NEBL: variants seen among roughly 807,000 people sequenced by gnomAD.
NEBL encodes the protein LIM and SH3 protein 2.
In NEBL, 122 loss-of-function variants were observed where a neutral mutation model predicts 140.2. That is an observed-to-expected ratio of 0.87 (90% CI 0.75 to 1.01). The LOEUF (loss-of-function observed/expected upper bound fraction) is 1.01, where lower values mean the gene tolerates loss of function less well. NEBL is among the 50% of genes least tolerant of loss of function. The pLI is 0.00. For synonymous variants in NEBL, 436 were observed against 398.9 expected, an observed-to-expected ratio of 1.09 and a Z score of -1.11; for missense variants, 1,365 against 1,231.3, an observed-to-expected ratio of 1.11 and a Z score of -1.62.
chr10:21,232,131 T>G (rs1026677999), intron 3 of NEBL, among the ~76,000 whole-genome samples: 3 of 151,998 alleles, frequency 2.0e-5, no homozygotes, highest in South Asian at 4.2e-4. Flanking sequence ...GGTTGTTGTT[T>G]TTTTTTCTCT....
At chr10:20,876,981 T>A (rs553773010) in intron 5 of NEBL, among the ~76,000 whole-genome samples, 1 of 152,184 alleles carries the variant, frequency 6.6e-6, no homozygotes, top group Non-Finnish European at 1.5e-5. Flanking sequence ...ATAAGATAGG[T>A]TCAGGAAACT....
At position 20,912,935 on chromosome 10, in the gene NEBL, G is replaced by T. The variant is rs534866635; in HGVS notation, c.357+48737C>A. 2.2e-4 allele frequency among the ~76,000 whole-genome samples: 32 copies of T among 143,954 alleles called. 2 individuals carry two copies. The South Asian group carries it at 7.0e-3, about 32-fold the overall frequency. 94.4% of individuals were successfully genotyped at this position (143,954 alleles called of 152,430 possible). A position where few individuals can be genotyped will look rare whatever the true frequency, so the allele number is the denominator to read the frequency against. Reference sequence around the variant, plus strand: ...TCTCTCTCTGTTACCCAGGCTTTAAGGTTTTTGGTAGACACAGGGTCTCAC... The same window carrying T: ...TCTCTCTCTGTTACCCAGGCTTTAATGTTTTTGGTAGACACAGGGTCTCAC... On this transcript the variant is annotated intron_variant, in intron 4 of 6. Transcript: ENST00000417816.
intron 2 of NEBL, among the ~76,000 whole-genome samples, chr10:21,128,367 AAGG>A (rs1446354882): frequency 3.3e-5 from 5 of 152,182 alleles, no homozygotes; most frequent in African/African-American, 1.2e-4. Context: ...AAATGTAAAA[AAGG>A]AGAAGAGGCT....
intron 1 of NEBL, among the ~76,000 whole-genome samples, chr10:21,270,195 T>G (rs1432321069): frequency 6.6e-6 from 1 of 152,200 alleles, no homozygotes; most frequent in East Asian, 1.9e-4. Context: ...GTCATCCCTC[T>G]GTGAGAAATA....
chr10:20,840,600 G>T, intron 13 of NEBL, 139 bp downstream of exon 13: 1 of 657,634 alleles, frequency 1.5e-6, no homozygotes, highest in East Asian at 2.7e-5. Flanking sequence ...AATAGTCCAA[G>T]AAAAGACTAC....
At chr10:21,188,021 C>A (rs1366743705) in intron 3 of NEBL, among the ~76,000 whole-genome samples, 3 of 152,002 alleles carry the variant, frequency 2.0e-5, no homozygotes, top group Non-Finnish European at 2.9e-5. Context: ...CTTCACGGAG[C>A]CTTCATCAAT....
chr10:20,845,744 C>T (rs550899847), intron 11 of NEBL, among the ~76,000 whole-genome samples: 12 of 152,184 alleles, frequency 7.9e-5, no homozygotes, highest in African/African-American at 2.4e-4. Context: ...TCTGGTGGCA[C>T]GGAAGCCATT....
rs1838322010 is a variant in NEBL, at chr10:20,812,952, A to C, written c.2347-12T>G. 2 of 1,611,498 alleles carry C rather than the reference A, an allele frequency of 1.2e-6. No individual in the cohort carries two copies. Among genetic ancestry groups the C allele is most frequent in the Admixed American group, 1.7e-5 (1 of 59,976 alleles). ...TCATGGTATTTTACCTGAAAAAGGA[A>C]AAATCATCATACTGAATTTTGCGGA... On this transcript the variant is annotated splice_polypyrimidine_tract_variant and intron_variant, in intron 23 of 27. Coordinates refer to ENST00000377122, the MANE Select transcript of NEBL (RefSeq NM_006393.3).
chr10:20,966,166 G>C (rs1178023966), intron 3 of NEBL, among the ~76,000 whole-genome samples: 2 of 152,158 alleles, frequency 1.3e-5, no homozygotes, highest in African/African-American at 4.8e-5. Context: ...ATATATTATG[G>C]AAATTCTATA....
At chr10:21,120,680 CAAAAAAAA>C (rs66476160) in intron 2 of NEBL, among the ~76,000 whole-genome samples, 1 of 71,242 alleles carries the variant, frequency 1.4e-5, no homozygotes, top group Admixed American at 1.9e-4. Flanking sequence ...TTCATGACAG[CAAAAAAAA>C]AAAAAAAAAA....
intron 5 of NEBL, among the ~76,000 whole-genome samples, chr10:20,875,943 A>G (rs1234440166): frequency 6.6e-6 from 1 of 152,216 alleles, no homozygotes; most frequent in African/African-American, 2.4e-5. Flanking sequence ...GGTTCAACCC[A>G]TCTCAGGAAA....
chr10:20,883,892 G>A (rs1215407869), intron 4 of NEBL, among the ~76,000 whole-genome samples: 1 of 152,140 alleles, frequency 6.6e-6, no homozygotes, highest in Non-Finnish European at 1.5e-5. Flanking sequence ...TCAAATTAGA[G>A]GGAGCTGAAC....
At chr10:20,988,003 T>A (rs749530699) in intron 3 of NEBL, among the ~76,000 whole-genome samples, 16 of 152,204 alleles carry the variant, frequency 1.1e-4, no homozygotes, top group Non-Finnish European at 1.8e-4. Context: ...GAAAACTGGA[T>A]AAATATGTCA....
intron 3 of NEBL, among the ~76,000 whole-genome samples, chr10:21,236,826 T>C (rs1421687479): frequency 6.6e-6 from 1 of 152,188 alleles, no homozygotes; most frequent in Non-Finnish European, 1.5e-5. Flanking sequence ...CACTAACATT[T>C]CTAAAGCCTT....
chr10:21,258,175 C>A (rs1728180098), intron 1 of NEBL, among the ~76,000 whole-genome samples: 1 of 152,186 alleles, frequency 6.6e-6, no homozygotes, highest in African/African-American at 2.4e-5. Context: ...GTAGTCCCAG[C>A]AACTCAGGAG....
At chr10:20,985,827 T>C (rs1165040527) in intron 3 of NEBL, among the ~76,000 whole-genome samples, 4 of 152,190 alleles carry the variant, frequency 2.6e-5, no homozygotes, top group African/African-American at 4.8e-5. Context: ...TGCATCTCTA[T>C]ATAAAAGGAC....
At chr10:21,214,573 C>T (rs141229972) in intron 3 of NEBL, among the ~76,000 whole-genome samples, 12 of 150,086 alleles carry the variant, frequency 8.0e-5, no homozygotes, top group South Asian at 4.2e-4. Flanking sequence ...ATTACACACA[C>T]GCACACATGC....
At chr10:20,911,210 C>T (rs1848319337) in intron 4 of NEBL, among the ~76,000 whole-genome samples, 1 of 152,054 alleles carries the variant, frequency 6.6e-6, no homozygotes, top group Non-Finnish European at 1.5e-5. Context: ...GTAAGCACTG[C>T]AGTAAGTCCT....
Position 21,173,547 on chromosome 10 carries a change from C to T in NEBL, c.69+218G>A, listed in dbSNP as rs1376503720. ...CTGCCGATGTCGCACCGCCCCGCAC[C>T]GCGACAAAAGCCCTTCCCGGTTCCA... On this transcript the variant is annotated intron_variant, in intron 1 of 6. Transcript: ENST00000417816. This position sits in a 1 kb window ranked among gnomAD's most constrained non-coding sequence, Gnocchi z 5.7. 2.0e-5 allele frequency among the ~76,000 whole-genome samples: 3 copies of T among 152,198 alleles called. No individual in the cohort carries two copies. The highest frequency in any genetic ancestry group is 4.8e-5 in the African/African-American group (2 of 41,464).
Sources: allele counts gnomAD v4.1 joint callset (sites outside exome capture counted in the v4.1 genomes callset), GRCh38; gene constraint gnomAD v4.1.1; non-coding constraint Gnocchi (gnomAD v3.1); transcripts MANE v1.5; gene names NCBI Gene and HGNC (gene_info 2026-07-23, HGNC 2026-07-21).